The following ANKFN1 variants were observed in gnomAD, a reference collection of about 807,000 sequenced individuals.
The protein encoded by ANKFN1 is ankyrin repeat and fibronectin type-III domain-containing protein 1.
Under a neutral mutation model 108.7 loss-of-function variants are expected in ANKFN1, and 74 were observed. The observed-to-expected ratio is 0.68, with a 90% CI of 0.56 to 0.83. The LOEUF (loss-of-function observed/expected upper bound fraction) is 0.83, where lower values mean the gene tolerates loss of function less well. ANKFN1 is among the 40% of genes least tolerant of loss of function. The probability of loss-of-function intolerance (pLI) is 0.00; values close to 1 mark genes in which losing one functional copy is unlikely to be tolerated. For missense variants in ANKFN1, 1,505 were observed against 1,382.3 expected (o/e 1.09, Z -1.41); for synonymous variants, 547 against 516.2 (o/e 1.06, Z -0.81).
chr17:56,099,905 G>A (rs1905607922), intron 4 of ANKFN1, among the ~76,000 whole-genome samples: 1 of 152,222 alleles, frequency 6.6e-6, no homozygotes, highest in Non-Finnish European at 1.5e-5. Context: ...ACTGGAGAGT[G>A]ACTCAGTCAC....
chr17:56,493,045 C>T (rs1568047926), intron 19 of ANKFN1, among the ~76,000 whole-genome samples: 1 of 152,088 alleles, frequency 6.6e-6, no homozygotes, highest in Non-Finnish European at 1.5e-5. Flanking sequence ...ATAGCAATAG[C>T]CCCATGATAA....
At chr17:56,233,661 A>G (rs1384834113) in intron 3 of ANKFN1, among the ~76,000 whole-genome samples, 2 of 151,800 alleles carry the variant, frequency 1.3e-5, no homozygotes, top group African/African-American at 4.8e-5. Context: ...TCCCTATATA[A>G]TTTTATGTGG....
chr17:56,167,318 CATATATATAT>C (rs72496812), intron 1 of ANKFN1, among the ~76,000 whole-genome samples: 25 of 133,250 alleles, frequency 1.9e-4, no homozygotes, highest in African/African-American at 6.7e-4. Context: ...CACACACACA[CATATATATAT>C]ATATATATAT....
chr17:56,212,493 T>C (rs928464818), intron 1 of ANKFN1, among the ~76,000 whole-genome samples, 105 bp from the exon 2 acceptor site: 7 of 152,306 alleles, frequency 4.6e-5, no homozygotes, highest in Admixed American at 4.6e-4. Flanking sequence ...TATTGGTCTG[T>C]AGTTTTCTCT....
At chr17:56,381,683 T>C (rs955534107) in intron 8 of ANKFN1, among the ~76,000 whole-genome samples, 8 of 152,016 alleles carry the variant, frequency 5.3e-5, no homozygotes, top group African/African-American at 1.9e-4. Flanking sequence ...AGAAAGGGTA[T>C]CAGTGATAGA....
At chr17:56,239,998 G>C (rs568478122) in intron 3 of ANKFN1, among the ~76,000 whole-genome samples, 3 of 152,118 alleles carry the variant, frequency 2.0e-5, no homozygotes, top group Admixed American at 6.6e-5. Flanking sequence ...AAAAGAAGAA[G>C]CATTATGAAA....
intron 6 of ANKFN1, among the ~76,000 whole-genome samples, chr17:56,357,372 G>T (rs1052394518): frequency 2.0e-5 from 3 of 152,180 alleles, no homozygotes; most frequent in African/African-American, 7.2e-5. Flanking sequence ...CTGGCCCAAG[G>T]TCACACATCC....
intron 6 of ANKFN1, among the ~76,000 whole-genome samples, chr17:56,365,173 T>C (rs1297325063): frequency 2.0e-5 from 3 of 152,158 alleles, no homozygotes; most frequent in African/African-American, 4.8e-5. Context: ...TTTGTTACAA[T>C]GCAACGTTCA....
chr17:56,229,949 G>A (rs767132125), intron 3 of ANKFN1, among the ~76,000 whole-genome samples: 28 of 152,058 alleles, frequency 1.8e-4, no homozygotes, highest in Admixed American at 5.9e-4. Flanking sequence ...AAAATCACCA[G>A]GCAATCTTGA....
chr17:56,091,292 G>T (rs1337350973), intron 4 of ANKFN1, among the ~76,000 whole-genome samples: 1 of 151,048 alleles, frequency 6.6e-6, no homozygotes, highest in East Asian at 1.9e-4. Context: ...GAAACTGTAG[G>T]CATGATACAA....
At chr17:56,070,250 C>A (rs951934326) in intron 4 of ANKFN1, among the ~76,000 whole-genome samples, 5 of 152,216 alleles carry the variant, frequency 3.3e-5, no homozygotes, top group Non-Finnish European at 7.3e-5. Context: ...GGTGTCCGGG[C>A]AGGACTGCCC....
chr17:56,130,522 C>T (rs143544365), intron 4 of ANKFN1, among the ~76,000 whole-genome samples: 103 of 152,020 alleles, frequency 6.8e-4, no homozygotes, highest in African/African-American at 2.2e-3. Context: ...CACTCAAAAT[C>T]GCTGCATCTT....
chr17:56,287,321 G>A (rs1007356486), intron 3 of ANKFN1, among the ~76,000 whole-genome samples: 11 of 152,144 alleles, frequency 7.2e-5, no homozygotes, highest in Non-Finnish European at 1.2e-4. Context: ...CTGGCTTTGA[G>A]TCCTGGTTCT....
chr17:56,354,895 G>C (rs886140547), intron 6 of ANKFN1, among the ~76,000 whole-genome samples: 4 of 152,136 alleles, frequency 2.6e-5, no homozygotes, highest in African/African-American at 7.2e-5. Flanking sequence ...AATAAACATG[G>C]GGAAGCATAT....
rs1194217272 is a variant in ANKFN1 at position 56,512,540 on chromosome 17, A to G, written c.*1271A>G. On this transcript the variant is annotated 3_prime_UTR_variant, in exon 21 of 21. Transcript: ENST00000682825. ...TATCTGAATTTCTCACAGGAATCCA[A>G]ATTAGACAAATCACACTGCATATTC... Among the ~76,000 whole-genome samples, 1 of 152,220 alleles carries G rather than the reference A, an allele frequency of 6.6e-6. No homozygotes were observed. Among genetic ancestry groups the G allele is most frequent in the Non-Finnish European group, 1.5e-5 (1 of 68,042 alleles).
chr17:56,082,203 C>T (rs1905254014), intron 4 of ANKFN1, among the ~76,000 whole-genome samples: 1 of 152,176 alleles, frequency 6.6e-6, no homozygotes, highest in Admixed American at 6.5e-5. Context: ...TTTATGGAAA[C>T]TAGACCTCAG....
intron 4 of ANKFN1, among the ~76,000 whole-genome samples, chr17:56,344,671 A>G (rs1387256900): frequency 6.6e-6 from 1 of 151,974 alleles, no homozygotes; most frequent in Non-Finnish European, 1.5e-5. Context: ...GGAAAGAAAA[A>G]AAAACAACAG....
intron 4 of ANKFN1, among the ~76,000 whole-genome samples, chr17:56,108,517 C>T (rs1905795513): frequency 2.0e-5 from 3 of 152,196 alleles, no homozygotes; most frequent in Admixed American, 6.5e-5. Flanking sequence ...TCAAATCCCC[C>T]TGATAACCCC....
In ANKFN1 at chr17:56,480,761, C is replaced by T. The variant is rs765043132; in HGVS notation, c.2034C>T (p.Tyr678=). Residue 678 remains tyrosine, a synonymous_variant, in exon 17 of 21, where the codon TAC becomes TAT. Transcript: ENST00000682825. ...ACTGCCCCATGCAATTGTTCTTCTA[C>T]GAGCTCCAGATGGCAGTGAAAGCTC... is the stretch of plus-strand genomic sequence containing the variant. ...TSDCPMQLFF[Y]ELQMAVKALL... 55 of 1,613,906 alleles carry T rather than the reference C, an allele frequency of 3.4e-5. No individual in the cohort carries two copies. The highest frequency in any genetic ancestry group is 1.6e-4 in the East Asian group (7 of 44,898).
Sources: allele counts gnomAD v4.1 joint callset (sites outside exome capture counted in the v4.1 genomes callset), GRCh38; gene constraint gnomAD v4.1.1; transcripts MANE v1.5; gene names NCBI Gene and HGNC (gene_info 2026-07-23, HGNC 2026-07-21).